The following KCNAB1 variants were observed in gnomAD, a reference collection of about 807,000 sequenced individuals.
The protein encoded by KCNAB1 is voltage-gated potassium channel subunit beta-1.
In KCNAB1, 35 loss-of-function variants were observed where a neutral mutation model predicts 64.6. The ratio of observed to expected loss-of-function variants is 0.54; its 90% CI spans 0.41 to 0.72. The LOEUF is 0.72. Among genes scored for constraint, KCNAB1 ranks in the 30% least tolerant of loss-of-function variants. The probability of loss-of-function intolerance (pLI) is 0.00; values close to 1 mark genes in which losing one functional copy is unlikely to be tolerated. For synonymous variants in KCNAB1, 177 were observed against 183.8 expected (o/e 0.96, Z 0.30); for missense variants, 401 against 512.9 (o/e 0.78, Z 2.11).
At position 156,442,523 on chromosome 3, in the gene KCNAB1, TAAGA is replaced by T. The variant is rs201634443; in HGVS notation, c.320-10365_320-10362del. 7.3e-3 allele frequency among the ~76,000 whole-genome samples: 1,114 copies of T among 152,214 alleles called. 5 individuals are homozygous for T. Among genetic ancestry groups the T allele is most frequent in the Non-Finnish European group, 0.013 (876 of 68,018 alleles). On this transcript the variant is annotated intron_variant, in intron 2 of 13. Transcript: ENST00000490337. ...CACTGAAATACATAAACCTTAAATC[TAAGA>T]AAGAAAGAAAATATCAAATACCTGT...
chr3:156,146,055 C>T (rs1180888917), intron 1 of KCNAB1, among the ~76,000 whole-genome samples: 1 of 152,154 alleles, frequency 6.6e-6, no homozygotes, highest in Non-Finnish European at 1.5e-5. Flanking sequence ...TAGCCCAATA[C>T]CAGCTGCTTG....
At chr3:156,156,200 A>G (rs1206367107) in intron 1 of KCNAB1, among the ~76,000 whole-genome samples, 1 of 152,178 alleles carries the variant, frequency 6.6e-6, no homozygotes. Flanking sequence ...CCAAGGGCTT[A>G]GAGGTTAACT....
chr3:156,483,731 G>C (rs148691566), intron 8 of KCNAB1, among the ~76,000 whole-genome samples: 22 of 152,228 alleles, frequency 1.4e-4, no homozygotes, highest in Non-Finnish European at 1.6e-4. Flanking sequence ...TGTTGCCTCA[G>C]GTCCGGCAAA....
chr3:156,455,283 C>A (rs1434834359), intron 3 of KCNAB1, among the ~76,000 whole-genome samples: 1 of 152,230 alleles, frequency 6.6e-6, no homozygotes, highest in Non-Finnish European at 1.5e-5. Flanking sequence ...CTGGCCACAC[C>A]ACAGTGTGCT....
At chr3:156,378,150 G>A (rs1297635164) in intron 1 of KCNAB1, among the ~76,000 whole-genome samples, 1 of 152,118 alleles carries the variant, frequency 6.6e-6, no homozygotes, top group Non-Finnish European at 1.5e-5. Context: ...GAACAGACCT[G>A]GGTAGAGAAG....
rs547877699 is a variant in KCNAB1, at chr3:156,337,877, T to C, written c.276-83739T>C. Reference sequence around the variant, plus strand: ...GCATGTTTGATTAATACTGTTTTCTTTCTTTATGCCGTGTCACATTCAAGT... The same window carrying C: ...GCATGTTTGATTAATACTGTTTTCTCTCTTTATGCCGTGTCACATTCAAGT... On this transcript the variant is annotated intron_variant, in intron 1 of 13. Transcript: ENST00000490337. 9.8e-4 allele frequency among the ~76,000 whole-genome samples: 149 copies of C among 152,366 alleles called. 1 individual carries two copies. The highest frequency in any genetic ancestry group is 3.3e-3 in the African/African-American group (139 of 41,580).
chr3:156,400,091 G>A (rs1713776987), intron 1 of KCNAB1, among the ~76,000 whole-genome samples: 1 of 152,150 alleles, frequency 6.6e-6, no homozygotes, highest in South Asian at 2.1e-4. Context: ...TTCCAAATGT[G>A]AGCCTTTCAT....
chr3:156,419,467 C>A (rs575191911), intron 1 of KCNAB1, among the ~76,000 whole-genome samples: 1 of 149,518 alleles, frequency 6.7e-6, no homozygotes, highest in East Asian at 2.0e-4. Flanking sequence ...CACCACTGCA[C>A]TCCAGCCTGG....
chr3:156,422,831 C>G (rs936112678), intron 2 of KCNAB1, among the ~76,000 whole-genome samples: 1 of 151,820 alleles, frequency 6.6e-6, no homozygotes, highest in African/African-American at 2.4e-5. Flanking sequence ...ATTAAGAAAT[C>G]GAGAAAGTGA....
chr3:156,305,248 A>G (rs575875286), intron 1 of KCNAB1, among the ~76,000 whole-genome samples: 17 of 152,334 alleles, frequency 1.1e-4, no homozygotes, highest in African/African-American at 4.1e-4. Flanking sequence ...AGTTCTGTGA[A>G]CATATGATAT....
chr3:156,254,438 A>C (rs1437610109), intron 1 of KCNAB1, among the ~76,000 whole-genome samples: 1 of 152,104 alleles, frequency 6.6e-6, no homozygotes, highest in East Asian at 1.9e-4. Context: ...CTTATATGTC[A>C]CTCAGCTCAC....
intron 4 of KCNAB1, among the ~76,000 whole-genome samples, chr3:156,458,244 A>G (rs1345007781): frequency 2.6e-5 from 4 of 152,152 alleles, no homozygotes; most frequent in African/African-American, 9.7e-5. Flanking sequence ...TTAAACCAGA[A>G]CACATAGGAA....
rs189162253 is a variant in KCNAB1 at position 156,211,823 on chromosome 3, G to A, written c.275+90937G>A. Among the ~76,000 whole-genome samples, 201 of 152,310 alleles carry A rather than the reference G, an allele frequency of 1.3e-3. No homozygotes were observed. The South Asian group carries it at 0.016, about 12-fold the overall frequency. On this transcript the variant is annotated intron_variant, in intron 1 of 13. Transcript: ENST00000490337. ...CCAGGTGGTGTCTGAACTTGTGGCA[G>A]GTTGCCCAACAGAATTTCTTATCTG...
At chr3:156,140,223 C>T (rs2108277831) in intron 1 of KCNAB1, among the ~76,000 whole-genome samples, 1 of 152,310 alleles carries the variant, frequency 6.6e-6, no homozygotes, top group Non-Finnish European at 1.5e-5. Flanking sequence ...GCATTTTTTA[C>T]AGACTACATT....
chr3:156,220,386 CCTGA>C (rs1296474826), intron 1 of KCNAB1, among the ~76,000 whole-genome samples: 1 of 152,176 alleles, frequency 6.6e-6, no homozygotes, highest in Non-Finnish European at 1.5e-5. Context: ...TCTGTTGTTT[CCTGA>C]CTTTTTAATG....
chr3:156,223,479 C>CA (rs1307977564), intron 1 of KCNAB1, among the ~76,000 whole-genome samples: 1 of 152,156 alleles, frequency 6.6e-6, no homozygotes, highest in Non-Finnish European at 1.5e-5. Flanking sequence ...CTGAGCTAGA[C>CA]ACAAAAGTGC....
chr3:156,444,548 C>G (rs1717260610), intron 2 of KCNAB1, among the ~76,000 whole-genome samples: 1 of 152,174 alleles, frequency 6.6e-6, no homozygotes, highest in South Asian at 2.1e-4. Context: ...AACTCCAGCC[C>G]AGGCCTCCTG....
intron 1 of KCNAB1, among the ~76,000 whole-genome samples, chr3:156,178,945 G>A (rs1281375447): frequency 6.8e-6 from 1 of 146,172 alleles, no homozygotes; most frequent in Non-Finnish European, 1.5e-5. Context: ...AGCTTGCAGT[G>A]AGCCGAGATC....
chr3:156,283,006 T>G (rs1221201231), intron 1 of KCNAB1, among the ~76,000 whole-genome samples: 1 of 150,304 alleles, frequency 6.7e-6, no homozygotes, highest in Admixed American at 6.6e-5. Flanking sequence ...GATCCTGTCA[T>G]TATGATGTTA....
Sources: gnomAD v4.1 joint callset for allele counts (sites outside exome capture counted in the v4.1 genomes callset) on GRCh38, gnomAD v4.1.1 for gene constraint, MANE v1.5 for transcripts, NCBI Gene and HGNC (gene_info 2026-07-23, HGNC 2026-07-21) for gene names.